Variants in AUTS2 observed in about 807,000 individuals in gnomAD.
AUTS2 encodes the protein activator of transcription and developmental regulator AUTS2.
In AUTS2, 17 loss-of-function variants were observed where a neutral mutation model predicts 112.4. The ratio of observed to expected loss-of-function variants is 0.15; its 90% CI spans 0.10 to 0.23. AUTS2 has a LOEUF of 0.23. Among genes scored for constraint, AUTS2 ranks in the 10% least tolerant of loss-of-function variants. The pLI, the probability that AUTS2 is intolerant of heterozygous loss-of-function variation, is 1.00. For synonymous variants in AUTS2, 751 were observed against 702.7 expected (o/e 1.07, Z -1.09); for missense variants, 1,510 against 1,701.6 (o/e 0.89, Z 1.98).
intron 4 of AUTS2, among the ~76,000 whole-genome samples, chr7:70,342,177 C>G (rs375015650): frequency 4.2e-4 from 64 of 152,280 alleles, no homozygotes; most frequent in African/African-American, 1.5e-3. Flanking sequence ...GCACCACATT[C>G]ATTTTTGAAC....
At chr7:69,928,296 C>T (rs1402297227) in intron 2 of AUTS2, among the ~76,000 whole-genome samples, 1 of 152,206 alleles carries the variant, frequency 6.6e-6, no homozygotes, top group Non-Finnish European at 1.5e-5. Flanking sequence ...GAACTTCTCA[C>T]TCGGGGTTAT....
chr7:69,648,034 C>T (rs1016618125), intron 1 of AUTS2, among the ~76,000 whole-genome samples: 1 of 152,144 alleles, frequency 6.6e-6, no homozygotes, highest in African/African-American at 2.4e-5. Flanking sequence ...TCTGAAAGAA[C>T]CTTATTTCTA....
chr7:70,125,603 C>T (rs1805930013), intron 3 of AUTS2, among the ~76,000 whole-genome samples: 1 of 152,154 alleles, frequency 6.6e-6, no homozygotes, highest in African/African-American at 2.4e-5. Context: ...GCTGTCTCCT[C>T]CTTATCCTCT....
chr7:70,427,501 A>G (rs1026479806), intron 4 of AUTS2, among the ~76,000 whole-genome samples: 4 of 152,222 alleles, frequency 2.6e-5, no homozygotes, highest in African/African-American at 9.6e-5. Context: ...CCCACTTCCA[A>G]TAACTCAACA....
At chr7:69,623,286 A>C (rs547852497) in intron 1 of AUTS2, among the ~76,000 whole-genome samples, 1 of 151,974 alleles carries the variant, frequency 6.6e-6, no homozygotes, top group East Asian at 1.9e-4. Context: ...GTAGTGGGAC[A>C]GTCATGACTC....
chr7:69,725,238 G>T (rs1263997471), intron 1 of AUTS2, among the ~76,000 whole-genome samples: 1 of 152,136 alleles, frequency 6.6e-6, no homozygotes, highest in Admixed American at 6.6e-5. Context: ...CTTACTGTAT[G>T]CCAGGACTTA....
intron 1 of AUTS2, among the ~76,000 whole-genome samples, chr7:69,687,678 A>C (rs897672946): frequency 6.6e-6 from 1 of 152,200 alleles, no homozygotes; most frequent in Non-Finnish European, 1.5e-5. Flanking sequence ...AGACTATCTG[A>C]ATAATGACCT....
Position 69,857,816 on chromosome 7 carries a change from C to CA in AUTS2, c.310-41456dup, listed in dbSNP as rs891544529. On this transcript the variant is annotated intron_variant, in intron 1 of 18. Coordinates refer to ENST00000342771, the MANE Select transcript of AUTS2 (RefSeq NM_015570.4). Reference sequence around the variant, plus strand: ...TGGGTGACAGAGTGAGACTCCGTCTCAAAAAAAAAAAAAAGACATTCCTCC... The same window carrying CA: ...TGGGTGACAGAGTGAGACTCCGTCTCAAAAAAAAAAAAAAAGACATTCCTCC... 6.6e-3 allele frequency among the ~76,000 whole-genome samples: 727 copies of CA among 110,336 alleles called. 3 individuals carry two copies. The highest frequency in any genetic ancestry group is 0.016 in the African/African-American group (483 of 29,484). The allele number at this position is 110,336 out of a possible 152,430, so 72.4% of individuals were successfully genotyped here. A position where few individuals can be genotyped will look rare whatever the true frequency, so the allele number is the denominator to read the frequency against.
chr7:69,609,032 G>C (rs1413849049), intron 1 of AUTS2, among the ~76,000 whole-genome samples: 5 of 152,190 alleles, frequency 3.3e-5, no homozygotes. Flanking sequence ...TTTCTAAGCC[G>C]TGTGGCATCA....
chr7:70,351,119 C>T (rs1289518149), intron 4 of AUTS2, among the ~76,000 whole-genome samples: 3 of 150,860 alleles, frequency 2.0e-5, no homozygotes, highest in African/African-American at 4.9e-5. Flanking sequence ...GGCACAATCT[C>T]GGCTCACTGC....
chr7:70,779,207 G>A (rs1790900379), intron 14 of AUTS2, among the ~76,000 whole-genome samples: 1 of 152,158 alleles, frequency 6.6e-6, no homozygotes, highest in African/African-American at 2.4e-5. Context: ...TTGGTTTTGA[G>A]GCTTGGCTAT....
intron 5 of AUTS2, among the ~76,000 whole-genome samples, chr7:70,500,719 T>C (rs796088812): frequency 6.6e-6 from 1 of 152,024 alleles, no homozygotes; most frequent in African/African-American, 2.4e-5. Flanking sequence ...GTTGACCAAA[T>C]TGATAATTTT....
chr7:69,876,843 T>C (rs1793825933), intron 1 of AUTS2, among the ~76,000 whole-genome samples: 1 of 152,080 alleles, frequency 6.6e-6, no homozygotes, highest in African/African-American at 2.4e-5. Context: ...GCAGGTATTA[T>C]CACATCTTCC....
intron 2 of AUTS2, among the ~76,000 whole-genome samples, chr7:70,038,723 T>A (rs1801115722): frequency 6.6e-6 from 1 of 152,066 alleles, no homozygotes; most frequent in Admixed American, 6.5e-5. Context: ...AAAAGCCATG[T>A]GAGTTTGGGA....
intron 1 of AUTS2, among the ~76,000 whole-genome samples, chr7:69,619,674 A>G (rs961799107): frequency 2.2e-4 from 33 of 151,898 alleles, no homozygotes; most frequent in Admixed American, 2.0e-4. Context: ...CAGCACCTCC[A>G]TCCCCGTCTG....
intron 4 of AUTS2, among the ~76,000 whole-genome samples, chr7:70,231,455 G>GTTTTTT (rs1329740674): frequency 1.3e-5 from 2 of 151,644 alleles, no homozygotes; most frequent in Non-Finnish European, 2.9e-5. Flanking sequence ...TTTGTTTTTT[G>GTTTTTT]TTTTTGAGAC....
In AUTS2 at chr7:69,606,501, CT is replaced by C. The variant is rs1024419946; in HGVS notation, c.309+6540del. 1.2e-4 allele frequency among the ~76,000 whole-genome samples: 18 copies of C among 152,322 alleles called. No individual in the cohort carries two copies. The East Asian group carries it at 2.1e-3, about 18-fold the overall frequency. On this transcript the variant is annotated intron_variant, in intron 1 of 18. Transcript: ENST00000342771. ...CTTTACATTTTATTTTATTTTACCC[CT>C]ATCCTGTATAGTAGTCATAATATAC...
chr7:70,547,135 C>T (rs1400552242), intron 5 of AUTS2, among the ~76,000 whole-genome samples: 1 of 152,156 alleles, frequency 6.6e-6, no homozygotes, highest in Non-Finnish European at 1.5e-5. Flanking sequence ...TAAAATCCCT[C>T]ATGCCCATTT....
chr7:69,664,080 G>C (rs939900769), intron 1 of AUTS2, among the ~76,000 whole-genome samples: 13 of 152,298 alleles, frequency 8.5e-5, no homozygotes, highest in African/African-American at 2.6e-4. Flanking sequence ...TGTGGTTCCG[G>C]ACTCAGTCTG....
Sources: allele counts gnomAD v4.1 joint callset (sites outside exome capture counted in the v4.1 genomes callset), GRCh38; gene constraint gnomAD v4.1.1; transcripts MANE v1.5; gene names NCBI Gene and HGNC (gene_info 2026-07-23, HGNC 2026-07-21).